Variants in ZMYM2 observed in about 807,000 individuals in gnomAD.
ZMYM2 encodes the protein zinc finger MYM-type containing 2.
A neutral mutation model predicts 162.8 loss-of-function variants in ZMYM2; 56 were observed. That is an observed-to-expected ratio of 0.34 (90% confidence interval 0.28 to 0.43). The LOEUF (loss-of-function observed/expected upper bound fraction) is 0.43, where lower values mean the gene tolerates loss of function less well. Ranked by LOEUF, ZMYM2 falls within the 20% of genes least tolerant of loss-of-function variation. ZMYM2 has a pLI of 1.00. For missense variants in ZMYM2, 1,275 were observed against 1,621.8 expected (o/e 0.79, Z 3.67); for synonymous variants, 510 against 541.6 (o/e 0.94, Z 0.81).
the ZMYM2 span, among the ~76,000 whole-genome samples, chr13:19,881,980 C>CAAAAAAA: frequency 8.2e-6 from 1 of 121,736 alleles, no homozygotes; most frequent in African/African-American, 3.1e-5. Flanking sequence ...ACTCTGTATC[C>CAAAAAAA]AAAAAAAAAA....
intron 10 of ZMYM2, among the ~76,000 whole-genome samples, chr13:20,031,978 C>T (rs1388070468): frequency 6.9e-6 from 1 of 145,154 alleles, no homozygotes. Context: ...TGAGGTGATT[C>T]TCCTGCCTCA....
At chr13:20,033,432 T>C (rs868072077) in intron 10 of ZMYM2, among the ~76,000 whole-genome samples, 1 of 152,174 alleles carries the variant, frequency 6.6e-6, no homozygotes, top group Non-Finnish European at 1.5e-5. Flanking sequence ...ATGTGGCTTC[T>C]TTGTTGCCTT....
At chr13:19,918,734 G>A in the ZMYM2 span, among the ~76,000 whole-genome samples, 3 of 151,712 alleles carry the variant, frequency 2.0e-5, no homozygotes. Context: ...CCTGACCTTG[G>A]GTGATACACC....
At chr13:19,898,437 G>A in the ZMYM2 span, among the ~76,000 whole-genome samples, 1 of 151,978 alleles carries the variant, frequency 6.6e-6, no homozygotes, top group African/African-American at 2.4e-5. Flanking sequence ...GTTTCACTGT[G>A]TTAGCCAGGA....
At chr13:19,979,480 A>G (rs1957117122) in intron 2 of ZMYM2, among the ~76,000 whole-genome samples, 1 of 135,384 alleles carries the variant, frequency 7.4e-6, no homozygotes, top group Non-Finnish European at 1.5e-5. Flanking sequence ...TAGGCACTGG[A>G]GTTTCTCTTC....
chr13:19,956,254 T>TACAA (rs1954514661), upstream of ZMYM2, among the ~76,000 whole-genome samples: 1 of 130,206 alleles, frequency 7.7e-6, no homozygotes, highest in Admixed American at 8.0e-5. Context: ...TGGTCTTTTG[T>TACAA]GTCTTGTTTA....
intron 2 of ZMYM2, among the ~76,000 whole-genome samples, chr13:19,977,844 AC>A (rs1333815385): frequency 6.8e-6 from 1 of 146,028 alleles, no homozygotes; most frequent in Non-Finnish European, 1.5e-5. Flanking sequence ...TCTCTAGTGT[AC>A]CATTTGATTC....
Position 20,077,314 on chromosome 13 carries a change from TTACTA to T in ZMYM2, c.3454-4699_3454-4695del, listed in dbSNP as rs903933891. Among the ~76,000 whole-genome samples, 13 of 150,600 alleles carry T rather than the reference TTACTA, an allele frequency of 8.6e-5. 1 individual carries two copies. Among genetic ancestry groups the T allele is most frequent in the African/African-American group, 3.0e-4 (12 of 39,930 alleles). ...GTGTCATTCAGTCCTCTCAACAACTTTACTATAATTATCAGCATTTTTTTATGAGG... is the reference window on the plus strand; with the variant it reads ...GTGTCATTCAGTCCTCTCAACAACTTTAATTATCAGCATTTTTTTATGAGG... On this transcript the variant is annotated intron_variant, in intron 21 of 24. Transcript: ENST00000610343.
intron 2 of ZMYM2, among the ~76,000 whole-genome samples, chr13:19,987,572 C>T (rs1175120920): frequency 6.0e-5 from 8 of 133,244 alleles, no homozygotes; most frequent in African/African-American, 1.4e-4. Context: ...CGCCCCGCTA[C>T]GTGTGTGTGT....
intron 3 of ZMYM2, among the ~76,000 whole-genome samples, chr13:19,997,874 G>A (rs536271549): frequency 6.6e-6 from 1 of 152,036 alleles, no homozygotes; most frequent in Non-Finnish European, 1.5e-5. Flanking sequence ...CAATATATGC[G>A]TGTGAAATTT....
intron 2 of ZMYM2, among the ~76,000 whole-genome samples, chr13:19,976,769 A>G (rs535130746): frequency 1.3e-5 from 2 of 152,246 alleles, no homozygotes; most frequent in Non-Finnish European, 2.9e-5. Flanking sequence ...TTGTATGTAT[A>G]TGTCTTTTAG....
chr13:20,002,964 A>G lies in ZMYM2; in HGVS notation c.962A>G (p.Gln321Arg), dbSNP rs1317765276. 6.2e-7 allele frequency: 1 copy of G among 1,614,180 alleles called. No individual in the cohort carries two copies. ...PKQIFQPSVQ[Q>R]QPTKPVKVTC... ...CAGATTTTCCAGCCGTCTGTCCAAC[A>G]GCAGCCTACTAAACCAGTTAAAGTC... The change falls in exon 4 of 25, where the codon CAG becomes CGG. Residue 321 changes from glutamine to arginine, a missense_variant. Physicochemically the swap from Gln to Arg is conservative, Grantham distance 43. Transcript: ENST00000610343.
intron 12 of ZMYM2, among the ~76,000 whole-genome samples, chr13:20,047,590 T>A (rs1288545090): frequency 6.6e-6 from 1 of 152,170 alleles, no homozygotes; most frequent in Non-Finnish European, 1.5e-5. Context: ...TATTTTTACC[T>A]TCTCTTACCT....
At chr13:19,925,490 T>C in the ZMYM2 span, among the ~76,000 whole-genome samples, 1 of 152,142 alleles carries the variant, frequency 6.6e-6, no homozygotes, top group Admixed American at 6.6e-5. Flanking sequence ...CTCAAGTAGT[T>C]ATGATATGTT....
the ZMYM2 span, among the ~76,000 whole-genome samples, chr13:19,897,691 C>T: frequency 1.3e-5 from 2 of 151,830 alleles, no homozygotes; most frequent in South Asian, 4.1e-4. Flanking sequence ...AAAACTGTTA[C>T]AAGAGACAAA....
chr13:19,907,605 CAA>C, the ZMYM2 span, among the ~76,000 whole-genome samples: 2 of 151,220 alleles, frequency 1.3e-5, no homozygotes, highest in East Asian at 1.9e-4. Context: ...ACTAAAAATA[CAA>C]AAAAATTAGC....
the ZMYM2 span, among the ~76,000 whole-genome samples, chr13:19,941,326 A>AC: frequency 4.6e-5 from 7 of 151,806 alleles, no homozygotes; most frequent in Non-Finnish European, 1.0e-4. Context: ...AAAAAACAAA[A>AC]AAAAAAAAGA....
chr13:19,916,867 A>AT, the ZMYM2 span, among the ~76,000 whole-genome samples: 1 of 152,214 alleles, frequency 6.6e-6, no homozygotes, highest in Admixed American at 6.5e-5. Context: ...ATCATTAAAA[A>AT]ATATATAAAA....
At chr13:20,018,694 G>A (rs974162687) in intron 6 of ZMYM2, among the ~76,000 whole-genome samples, 5 of 152,188 alleles carry the variant, frequency 3.3e-5, no homozygotes, top group African/African-American at 1.2e-4. Flanking sequence ...TTCATGGAAA[G>A]CAGGAAGCAT....
Sources: gnomAD v4.1 joint callset for allele counts (sites outside exome capture counted in the v4.1 genomes callset) on GRCh38, gnomAD v4.1.1 for gene constraint, MANE v1.5 for transcripts, NCBI Gene and HGNC (gene_info 2026-07-23, HGNC 2026-07-21) for gene names.